Variants in PTPN4 observed in about 807,000 individuals in gnomAD.
The protein encoded by PTPN4 is tyrosine-protein phosphatase non-receptor type 4.
A neutral mutation model predicts 135.5 loss-of-function variants in PTPN4; 49 were observed. That is an observed-to-expected ratio of 0.36 (90% CI 0.29 to 0.46). The LOEUF is 0.46. Among genes scored for constraint, PTPN4 ranks in the 20% least tolerant of loss-of-function variants. The pLI is 1.00. For synonymous variants in PTPN4, 333 were observed against 369.9 expected, an observed-to-expected ratio of 0.90 and a Z score of 1.14; for missense variants, 860 against 1,101.0, an observed-to-expected ratio of 0.78 and a Z score of 3.10.
At chr2:119,893,489 A>C (rs1678272707) in intron 9 of PTPN4, among the ~76,000 whole-genome samples, 1 of 152,180 alleles carries the variant, frequency 6.6e-6, no homozygotes, top group Non-Finnish European at 1.5e-5. Context: ...ATAGACCTGG[A>C]GTTGAGAGGA....
intron 8 of PTPN4, among the ~76,000 whole-genome samples, chr2:119,883,835 T>C (rs560950725): frequency 5.6e-4 from 86 of 152,348 alleles, no homozygotes; most frequent in South Asian, 1.9e-3. Context: ...GAAGAAATGT[T>C]AGCTGTTGTT....
intron 1 of PTPN4, among the ~76,000 whole-genome samples, chr2:119,770,121 G>A (rs940217504): frequency 4.6e-5 from 7 of 152,174 alleles, no homozygotes; most frequent in African/African-American, 1.7e-4. Flanking sequence ...CACCAGCTAG[G>A]TACTAGGCAC....
Position 119,960,958 on chromosome 2 carries a change from G to GTC in PTPN4, c.2280+6_2280+7dup. 1 of 1,610,080 alleles carries GTC rather than the reference G, an allele frequency of 6.2e-7. No homozygotes were observed. Among genetic ancestry groups the GTC allele is most frequent in the Non-Finnish European group, 8.5e-7 (1 of 1,178,856 alleles). On this transcript the variant is annotated splice_donor_region_variant and intron_variant, in intron 23 of 26. Transcript: ENST00000263708. ...ACACAAGTTGAACGTGGCAGAGTAA[G>GTC]TCATAGTTGAATCTTACACATTGCT...
chr2:119,942,736 T>G (rs750804073), intron 15 of PTPN4, among the ~76,000 whole-genome samples: 2 of 152,196 alleles, frequency 1.3e-5, no homozygotes, highest in Non-Finnish European at 2.9e-5. Flanking sequence ...TTGCATCTCT[T>G]AAGTTCTGCT....
At chr2:119,785,548 A>G (rs1296246410) in intron 1 of PTPN4, among the ~76,000 whole-genome samples, 1 of 152,160 alleles carries the variant, frequency 6.6e-6, no homozygotes, top group East Asian at 1.9e-4. Flanking sequence ...TTCCATTTCC[A>G]TAGATTATTA....
rs1267869202 is a variant in PTPN4 at position 119,764,488 on chromosome 2, A to G, written c.-18+4104A>G. 2.0e-5 allele frequency among the ~76,000 whole-genome samples: 3 copies of G among 152,314 alleles called. No homozygotes were observed. In the East Asian group the frequency reaches 5.8e-4, roughly 29 times the overall value. On this transcript the variant is annotated intron_variant, in intron 1 of 26. Coordinates refer to ENST00000263708, the MANE Select transcript of PTPN4 (RefSeq NM_002830.4). ...ATTTAAACATCTCTGTCTCCAATTCATGTGCCTCCTCTTTAAACCTTTTTC... is the reference window on the plus strand; with the variant it reads ...ATTTAAACATCTCTGTCTCCAATTCGTGTGCCTCCTCTTTAAACCTTTTTC...
chr2:119,823,158 TAAAAAC>T (rs1412178849), intron 2 of PTPN4, among the ~76,000 whole-genome samples: 1 of 152,172 alleles, frequency 6.6e-6, no homozygotes, highest in Admixed American at 6.5e-5. Context: ...CTAGGAGCTT[TAAAAAC>T]TGGTACTGCT....
chr2:119,779,074 T>G (rs573589075), intron 1 of PTPN4, among the ~76,000 whole-genome samples: 1 of 152,126 alleles, frequency 6.6e-6, no homozygotes, highest in Non-Finnish European at 1.5e-5. Flanking sequence ...TTCTACAGGG[T>G]ATCAGTTTTA....
At chr2:119,786,984 A>G (rs1242609342) in intron 1 of PTPN4, among the ~76,000 whole-genome samples, 1 of 152,212 alleles carries the variant, frequency 6.6e-6, no homozygotes, top group African/African-American at 2.4e-5. Flanking sequence ...CATTTGGAAG[A>G]CACCTTATTA....
At chr2:119,794,286 G>A (rs1009068139) in intron 1 of PTPN4, among the ~76,000 whole-genome samples, 11 of 152,320 alleles carry the variant, frequency 7.2e-5, no homozygotes, top group Middle Eastern at 3.4e-3. Flanking sequence ...GGCCAGTGGC[G>A]CCTTTGCCTG....
chr2:119,832,257 A>G (rs1018734481), intron 2 of PTPN4, among the ~76,000 whole-genome samples: 88 of 152,300 alleles, frequency 5.8e-4, no homozygotes, highest in African/African-American at 1.9e-3. Flanking sequence ...TTTCCATGCT[A>G]GCTCAGTAAC....
At chr2:119,809,772 C>T (rs1691543557) in intron 1 of PTPN4, 65 bp from the exon 2 acceptor site, 8 of 1,357,750 alleles carry the variant, frequency 5.9e-6, no homozygotes, top group African/African-American at 1.5e-5. Flanking sequence ...ATAACTTTGC[C>T]TTTTAAACTA....
At chr2:119,781,534 C>G (rs187592940) in intron 1 of PTPN4, among the ~76,000 whole-genome samples, 1 of 152,116 alleles carries the variant, frequency 6.6e-6, no homozygotes, top group Non-Finnish European at 1.5e-5. Flanking sequence ...TTATAAAGTT[C>G]GGAGTTTTTT....
intron 14 of PTPN4, among the ~76,000 whole-genome samples, chr2:119,933,436 T>G (rs548490935): frequency 6.6e-6 from 1 of 152,252 alleles, no homozygotes; most frequent in East Asian, 1.9e-4. Context: ...CCCAGCACTT[T>G]GGGAGGCCAA....
intron 15 of PTPN4, among the ~76,000 whole-genome samples, chr2:119,939,545 C>T (rs114856624): frequency 0.015 from 2,246 of 152,264 alleles, 48 homozygotes; most frequent in African/African-American, 0.051. Context: ...TAGTGATCCA[C>T]CTGCCTCAGC....
At chr2:119,975,736 C>T (rs1679605693) in intron 26 of PTPN4, among the ~76,000 whole-genome samples, 1 of 151,972 alleles carries the variant, frequency 6.6e-6, no homozygotes, top group Admixed American at 6.6e-5. Context: ...AAAAAAATGT[C>T]CCTTCAAATA....
At chr2:119,867,397 G>A (rs112951633) in intron 3 of PTPN4, among the ~76,000 whole-genome samples, 1 of 152,088 alleles carries the variant, frequency 6.6e-6, no homozygotes. Context: ...AAGTCAACAG[G>A]ACTGGTTGGT....
At chr2:119,907,530 G>C (rs1355740846) in intron 10 of PTPN4, among the ~76,000 whole-genome samples, 1 of 152,074 alleles carries the variant, frequency 6.6e-6, no homozygotes, top group Non-Finnish European at 1.5e-5. Flanking sequence ...CTTGAGCCCA[G>C]CACTTTAAGG....
chr2:119,797,213 G>A (rs1176394867), intron 1 of PTPN4, among the ~76,000 whole-genome samples: 1 of 152,184 alleles, frequency 6.6e-6, no homozygotes, highest in African/African-American at 2.4e-5. Flanking sequence ...TGTCGAAAGA[G>A]TGATGAAGAA....
Sources: gnomAD v4.1 joint callset for allele counts (sites outside exome capture counted in the v4.1 genomes callset) on GRCh38, gnomAD v4.1.1 for gene constraint, MANE v1.5 for transcripts, NCBI Gene and HGNC (gene_info 2026-07-23, HGNC 2026-07-21) for gene names.